The following ZNF34 variants were observed in gnomAD, a reference collection of about 807,000 sequenced individuals.
ZNF34 encodes the protein zinc finger protein 34 (KOX 32).
ZNF34 carries 8 observed loss-of-function variants against 14.4 expected under a neutral mutation model. The ratio of observed to expected loss-of-function variants is 0.55; its 90% confidence interval spans 0.33 to 1.00. The LOEUF (loss-of-function observed/expected upper bound fraction) is 1.00, where lower values mean the gene tolerates loss of function less well. Ranked by LOEUF, ZNF34 falls within the 50% of genes least tolerant of loss-of-function variation. The pLI, the probability that ZNF34 is intolerant of heterozygous loss-of-function variation, is 0.03. For missense variants in ZNF34, 538 were observed against 674.2 expected (o/e 0.80, Z 2.24); for synonymous variants, 235 against 247.9 (o/e 0.95, Z 0.49).
chr8:144,776,946 T>C (rs979188645), intron 5 of ZNF34, among the ~76,000 whole-genome samples: 4 of 144,596 alleles, frequency 2.8e-5, no homozygotes, highest in Non-Finnish European at 6.0e-5. Context: ...TGTCAGTACA[T>C]AACAGTGGAA....
At chr8:144,783,821 G>A (rs1826045991) in intron 1 of ZNF34, among the ~76,000 whole-genome samples, 1 of 152,196 alleles carries the variant, frequency 6.6e-6, no homozygotes, top group Non-Finnish European at 1.5e-5. Context: ...CATGATATCT[G>A]ACCAAAATGA....
At chr8:144,781,919 C>T (rs1825909939) in intron 1 of ZNF34, among the ~76,000 whole-genome samples, 1 of 152,216 alleles carries the variant, frequency 6.6e-6, no homozygotes, top group Non-Finnish European at 1.5e-5. Flanking sequence ...CAGGCTGTGG[C>T]TCACGTCTAT....
At chr8:144,781,393 C>G (rs1285342193) in intron 1 of ZNF34, among the ~76,000 whole-genome samples, 1 of 151,412 alleles carries the variant, frequency 6.6e-6, no homozygotes, top group South Asian at 2.1e-4. Flanking sequence ...CTCAGCCTCC[C>G]AAGTAGCTGG....
chr8:144,776,629 G>C (rs1019971979), intron 5 of ZNF34, among the ~76,000 whole-genome samples: 1 of 149,594 alleles, frequency 6.7e-6, no homozygotes, highest in Non-Finnish European at 1.5e-5. Context: ...TCTGAGCCAG[G>C]TGCAGTGGCA....
chr8:144,783,024 T>G (rs1825996579), intron 1 of ZNF34, among the ~76,000 whole-genome samples: 1 of 147,586 alleles, frequency 6.8e-6, no homozygotes, highest in African/African-American at 2.6e-5. Flanking sequence ...AAAGGCCAGG[T>G]GTGGTTGGCT....
At position 144,772,396 on chromosome 8, in the gene ZNF34, T is replaced by C. The variant is rs1436524979; in HGVS notation, c.*870A>G. ...CAGTTCTGGAAATACACAGTGATGA[T>C]GGTTACACAACACCATGAATGTACT... is the stretch of plus-strand genomic sequence containing the variant. On this transcript the variant is annotated 3_prime_UTR_variant, in exon 6 of 6. Transcript: ENST00000429371. 2.0e-5 allele frequency among the ~76,000 whole-genome samples: 3 copies of C among 152,200 alleles called. No individual in the cohort carries two copies. Among genetic ancestry groups the C allele is most frequent in the Admixed American group, 6.5e-5 (1 of 15,280 alleles).
intron 2 of ZNF34, 25 bp downstream of exon 2, chr8:144,780,203 A>T: frequency 6.5e-7 from 1 of 1,533,906 alleles, no homozygotes. Flanking sequence ...TCTCAAAATA[A>T]ATAAGTAAAA....
At chr8:144,786,802 C>G (rs894553141) in intron 1 of ZNF34, among the ~76,000 whole-genome samples, 1 of 151,898 alleles carries the variant, frequency 6.6e-6, no homozygotes, top group Non-Finnish European at 1.5e-5. Flanking sequence ...GGGAGGAGCA[C>G]TGGCGGAGCG....
rs1333509900 is a variant in ZNF34 at position 144,787,271 on chromosome 8, A to G, written c.-108+8T>C. The stretch of plus-strand genomic sequence containing the variant: ...CCGCGCGCCCGCCCCCGCCGGGCTC[A>G]CACTCACCTCAGCGCCGCCGAGCAG... On this transcript the variant is annotated splice_region_variant and intron_variant, in intron 1 of 5. Transcript: ENST00000429371. 1 of 152,656 alleles carries G rather than the reference A, an allele frequency of 6.6e-6. No homozygotes were observed. The highest frequency in any genetic ancestry group is 1.5e-5 in the Non-Finnish European group (1 of 68,422). The allele number at this position is 152,656 out of a possible 1,614,324, so 9.5% of individuals were successfully genotyped here.
chr8:144,774,073 G>A lies in ZNF34; in HGVS notation c.813C>T (p.Cys271=), dbSNP rs1825340215. ...DECGKAFSQS[C]EFINHRRMHS... is the part of the protein sequence containing the mutation. ...GCATCCTTCGGTGATTGATGAACTC[G>A]CAGCTCTGGCTGAAGGCTTTCCCAC... The change falls in exon 6 of 6, where the codon TGC becomes TGT. Residue 271 remains cysteine, a synonymous_variant. Coordinates refer to ENST00000429371, the MANE Select transcript of ZNF34 (RefSeq NM_001286769.2). 1.9e-6 allele frequency: 3 copies of A among 1,613,854 alleles called. No individual in the cohort carries two copies. The highest frequency in any genetic ancestry group is 2.5e-6 in the Non-Finnish European group (3 of 1,179,942).
At chr8:144,785,208 C>G (rs1826152701) in intron 1 of ZNF34, 1 of 150,704 alleles carries the variant, frequency 6.6e-6, no homozygotes, top group Non-Finnish European at 1.5e-5. Context: ...TTTGCAGACA[C>G]ATAACAAAGT....
chr8:144,787,310 C>A lies in ZNF34; in HGVS notation c.-139G>T, dbSNP rs1826309408. ...GCCGCCGAGCAGCACGGCAGCCCAA[C>A]CTCGCCCGTTCGGCCCTCCCTCCCC... is the stretch of plus-strand genomic sequence containing the variant. On this transcript the variant is annotated 5_prime_UTR_variant, in exon 1 of 6. Coordinates refer to ENST00000429371, the MANE Select transcript of ZNF34 (RefSeq NM_001286769.2). 1 of 152,508 alleles carries A rather than the reference C, an allele frequency of 6.6e-6. No homozygotes were observed. Among genetic ancestry groups the A allele is most frequent in the Non-Finnish European group, 1.5e-5 (1 of 68,262 alleles). 9.4% of individuals were successfully genotyped at this position (152,508 alleles called of 1,614,324 possible).
chr8:144,777,987 C>A lies in ZNF34; in HGVS notation c.160+51G>T. The A allele has an allele frequency of 1.2e-6, 2 of 1,605,950 alleles. No individual in the cohort carries two copies. Among genetic ancestry groups the A allele is most frequent in the African/African-American group, 2.7e-5 (2 of 74,850 alleles). On this transcript the variant is annotated intron_variant, in intron 4 of 5. Transcript: ENST00000429371. This position sits in a 1 kb window ranked among gnomAD's most constrained non-coding sequence, Gnocchi z 4.8. Reference sequence around the variant, plus strand: ...GGCCCCTAGCCCAGCCTCTGCTGAGCCCTTAGCCCCCAGGGCTGTTCCCAG... The same window carrying A: ...GGCCCCTAGCCCAGCCTCTGCTGAGACCTTAGCCCCCAGGGCTGTTCCCAG...
In ZNF34 at chr8:144,772,340, A is replaced by C. The variant is rs767160963; in HGVS notation, c.*926T>G. On this transcript the variant is annotated 3_prime_UTR_variant, in exon 6 of 6. Coordinates refer to ENST00000429371, the MANE Select transcript of ZNF34 (RefSeq NM_001286769.2). ...GGGAAATGAAGAGTTATTATTTAAT[A>C]GGTACAGGGTTTCTGTTTGGAGTAA... Among the ~76,000 whole-genome samples the C allele has an allele frequency of 2.0e-5, 3 of 152,208 alleles. No individual in the cohort carries two copies. The highest frequency in any genetic ancestry group is 4.4e-5 in the Non-Finnish European group (3 of 68,040).
rs765464767 is a variant in ZNF34 at position 144,779,033 on chromosome 8, C to T, written c.-54-508G>A. ...GCCAAAGGGGGGAAGGCTGCCCTGC[C>T]GCTCCATAATCTAAGCCAAGGCATA... On this transcript the variant is annotated intron_variant, in intron 2 of 5. Transcript: ENST00000429371. The surrounding 1 kb of genome is among the most constrained non-coding windows in gnomAD (Gnocchi z 4.1). Among the ~76,000 whole-genome samples the T allele has an allele frequency of 2.8e-4, 43 of 152,116 alleles. No individual in the cohort carries two copies. The highest frequency in any genetic ancestry group is 4.4e-4 in the Non-Finnish European group (30 of 68,040).
chr8:144,776,701 G>A (rs2953860), intron 5 of ZNF34, among the ~76,000 whole-genome samples: 12,947 of 152,146 alleles, frequency 0.085, 923 homozygotes, highest in East Asian at 0.37. Context: ...CTTGAGCCTA[G>A]GAGTTCGAGA....
chr8:144,783,605 T>C (rs543131788), intron 1 of ZNF34, among the ~76,000 whole-genome samples: 2 of 152,212 alleles, frequency 1.3e-5, no homozygotes, highest in South Asian at 2.1e-4. Context: ...CCATTCACAA[T>C]AGCTACAAAA....
At chr8:144,783,375 C>A (rs1826020666) in intron 1 of ZNF34, among the ~76,000 whole-genome samples, 1 of 152,054 alleles carries the variant, frequency 6.6e-6, no homozygotes, top group Non-Finnish European at 1.5e-5. Flanking sequence ...CTAGCCAAAG[C>A]AGTAAGTTAC....
chr8:144,773,851 A>G lies in ZNF34; in HGVS notation c.1035T>C (p.Asn345=), dbSNP rs371127477. 1 of 1,613,666 alleles carries G rather than the reference A, an allele frequency of 6.2e-7. No homozygotes were observed. Among genetic ancestry groups the G allele is most frequent in the Admixed American group, 1.7e-5 (1 of 59,942 alleles). The change falls in exon 6 of 6, where the codon AAT becomes AAC. Residue 345 remains asparagine (N), a synonymous_variant. Coordinates refer to ENST00000429371, the MANE Select transcript of ZNF34 (RefSeq NM_001286769.2). The surrounding 1 kb of genome is among the most constrained non-coding windows in gnomAD (Gnocchi z 5.4). The part of the protein sequence containing the change: ...IHTGEKPYKC[N]DCGKAFSDGS... ...CATCACTGAAGGCTTTCCCGCAGTC[A>G]TTACATTTATAGGGTTTCTCTCCGG... is the stretch of plus-strand genomic sequence containing the variant.
Sources: gnomAD v4.1 joint callset for allele counts (sites outside exome capture counted in the v4.1 genomes callset) on GRCh38, gnomAD v4.1.1 for gene constraint, Gnocchi (gnomAD v3.1) non-coding constraint, MANE v1.5 for transcripts, NCBI Gene and HGNC (gene_info 2026-07-23, HGNC 2026-07-21) for gene names.